ARID2: variants seen among roughly 807,000 people sequenced by gnomAD.
The protein encoded by ARID2 is AT-rich interaction domain 2.
Under a neutral mutation model 184.6 loss-of-function variants are expected in ARID2, and 32 were observed. The observed-to-expected ratio is 0.17, with a 90% CI of 0.13 to 0.23. The LOEUF is 0.23. Ranked by LOEUF, ARID2 falls within the 10% of genes least tolerant of loss-of-function variation. ARID2 has a pLI of 1.00. For missense variants in ARID2, 1,696 were observed against 2,197.6 expected (o/e 0.77, Z 4.56); for synonymous variants, 836 against 772.6 (o/e 1.08, Z -1.36).
chr12:45,817,035 G>A (rs564595048), intron 4 of ARID2, among the ~76,000 whole-genome samples: 30 of 152,294 alleles, frequency 2.0e-4, no homozygotes, highest in African/African-American at 7.0e-4. Context: ...CAGTAATTTG[G>A]AAGAAGTCCA....
intron 3 of ARID2, among the ~76,000 whole-genome samples, chr12:45,738,445 G>T (rs1941174516): frequency 6.6e-6 from 1 of 152,084 alleles, no homozygotes. Flanking sequence ...CTCCCAGGTA[G>T]CTGGAATTAC....
At chr12:45,754,284 A>G (rs1226817586) in intron 3 of ARID2, among the ~76,000 whole-genome samples, 4 of 152,256 alleles carry the variant, frequency 2.6e-5, no homozygotes, top group African/African-American at 9.6e-5. Flanking sequence ...AAGAAAGTCC[A>G]AATATATTAG....
chr12:45,880,235 ATTTGTATTT>A (rs2138216267), intron 16 of ARID2, among the ~76,000 whole-genome samples: 1 of 152,338 alleles, frequency 6.6e-6, no homozygotes, highest in African/African-American at 2.4e-5. Context: ...TCTACATTAT[ATTTGTATTT>A]AGAATTGCAT....
At chr12:45,780,863 A>T (rs1031774981) in intron 3 of ARID2, among the ~76,000 whole-genome samples, 4 of 152,076 alleles carry the variant, frequency 2.6e-5, no homozygotes, top group African/African-American at 9.7e-5. Context: ...CAGGCGATCC[A>T]CCTGCCTTAG....
At chr12:45,886,162 G>A (rs887972947) in intron 16 of ARID2, among the ~76,000 whole-genome samples, 7 of 150,116 alleles carry the variant, frequency 4.7e-5, no homozygotes, top group Non-Finnish European at 1.0e-4. Flanking sequence ...TAGAGGCATT[G>A]AGTATATATA....
At chr12:45,743,954 C>G (rs1298211147) in intron 3 of ARID2, among the ~76,000 whole-genome samples, 1 of 151,896 alleles carries the variant, frequency 6.6e-6, no homozygotes, top group Admixed American at 6.6e-5. Context: ...ATTTTCTAAC[C>G]TGCTGCCTTA....
chr12:45,779,016 T>C (rs1382638457), intron 3 of ARID2, among the ~76,000 whole-genome samples: 3 of 152,090 alleles, frequency 2.0e-5, no homozygotes, highest in African/African-American at 7.2e-5. Flanking sequence ...CTTTTCCATA[T>C]CTTTAGTTTT....
At chr12:45,758,903 G>C (rs1941620949) in intron 3 of ARID2, among the ~76,000 whole-genome samples, 1 of 152,226 alleles carries the variant, frequency 6.6e-6, no homozygotes, top group Non-Finnish European at 1.5e-5. Context: ...AGATTTCACA[G>C]ACCATTAATA....
intron 3 of ARID2, among the ~76,000 whole-genome samples, chr12:45,759,809 A>T (rs1439319214): frequency 1.3e-5 from 2 of 152,134 alleles, no homozygotes; most frequent in Non-Finnish European, 2.9e-5. Flanking sequence ...TGATTCTCCC[A>T]TCTCAGCCTA....
chr12:45,888,517 A>G (rs898681184), intron 16 of ARID2, among the ~76,000 whole-genome samples: 1 of 152,198 alleles, frequency 6.6e-6, no homozygotes, highest in African/African-American at 2.4e-5. Flanking sequence ...AGTTGTGGAG[A>G]AGATCTCAGA....
intron 6 of ARID2, among the ~76,000 whole-genome samples, chr12:45,836,334 C>T (rs1943219934): frequency 6.6e-6 from 1 of 152,178 alleles, no homozygotes; most frequent in African/African-American, 2.4e-5. Context: ...CTCAGCCTCC[C>T]AAGTAGCTGG....
In ARID2 at chr12:45,836,738, T is replaced by C. The variant is rs2138126338; in HGVS notation, c.773-3T>C. 1 of 1,609,910 alleles carries C rather than the reference T, an allele frequency of 6.2e-7. No individual in the cohort carries two copies. The highest frequency in any genetic ancestry group is 1.7e-4 in the Middle Eastern group (1 of 6,028). On this transcript the variant is annotated splice_region_variant and splice_polypyrimidine_tract_variant and intron_variant, in intron 7 of 20. Coordinates refer to ENST00000334344, the MANE Select transcript of ARID2 (RefSeq NM_152641.4). Reference sequence around the variant, plus strand: ...TAAGTGAAATATGTATTTTCTATTGTAGAAGGTACATCAGGAGAATGGATT... The same window carrying C: ...TAAGTGAAATATGTATTTTCTATTGCAGAAGGTACATCAGGAGAATGGATT...
In ARID2 at chr12:45,866,736, A is replaced by G. The variant is rs150789761; in HGVS notation, c.4922+5787A>G. Among the ~76,000 whole-genome samples, 13 of 152,338 alleles carry G rather than the reference A, an allele frequency of 8.5e-5. No homozygotes were observed. The East Asian group carries it at 2.1e-3, about 25-fold the overall frequency. On this transcript the variant is annotated intron_variant, in intron 16 of 20. Coordinates refer to ENST00000334344, the MANE Select transcript of ARID2 (RefSeq NM_152641.4). ...AATTTTAGGTTTACAACAAAATTGA[A>G]TGGCAAATACAGAGTGTTCCTATAT... is the stretch of plus-strand genomic sequence containing the variant.
At chr12:45,748,080 G>A (rs889890052) in intron 3 of ARID2, among the ~76,000 whole-genome samples, 6 of 152,064 alleles carry the variant, frequency 3.9e-5, no homozygotes, top group Admixed American at 1.3e-4. Context: ...AACAATGTAC[G>A]GCCAGGTGTG....
At chr12:45,876,898 G>A (rs780247406) in intron 16 of ARID2, among the ~76,000 whole-genome samples, 2 of 151,498 alleles carry the variant, frequency 1.3e-5, no homozygotes, top group African/African-American at 4.8e-5. Flanking sequence ...GACCATCCTG[G>A]CTAACACAGT....
chr12:45,754,406 A>C (rs144081544), intron 3 of ARID2, among the ~76,000 whole-genome samples: 1 of 152,324 alleles, frequency 6.6e-6, no homozygotes, highest in East Asian at 1.9e-4. Flanking sequence ...AAGCTTGGTT[A>C]ATGAACAGTC....
intron 15 of ARID2, among the ~76,000 whole-genome samples, chr12:45,860,040 T>G (rs1218724590): frequency 1.3e-5 from 2 of 152,158 alleles, no homozygotes; most frequent in African/African-American, 2.4e-5. Flanking sequence ...CCTAGAATTC[T>G]TACATAAATA....
chr12:45,794,614 A>C (rs891979229), intron 3 of ARID2, among the ~76,000 whole-genome samples: 6 of 152,188 alleles, frequency 3.9e-5, no homozygotes, highest in Admixed American at 6.5e-5. Context: ...GGCTAATTGC[A>C]GCACCAGGGA....
chr12:45,737,463 A>T (rs1941154586), intron 3 of ARID2, among the ~76,000 whole-genome samples: 1 of 151,574 alleles, frequency 6.6e-6, no homozygotes, highest in Non-Finnish European at 1.5e-5. Context: ...GTGTCAATTA[A>T]CTTGTTCCTC....
Sources: gnomAD v4.1 joint callset for allele counts (sites outside exome capture counted in the v4.1 genomes callset) on GRCh38, gnomAD v4.1.1 for gene constraint, MANE v1.5 for transcripts, NCBI Gene and HGNC (gene_info 2026-07-23, HGNC 2026-07-21) for gene names.